The following CACNA1C variants were observed in gnomAD, a reference collection of about 807,000 sequenced individuals.
CACNA1C encodes the protein voltage-dependent L-type calcium channel subunit alpha-1C.
CACNA1C carries 30 observed loss-of-function variants against 229.0 expected under a neutral mutation model. The observed-to-expected ratio is 0.13, with a 90% CI of 0.10 to 0.18. The LOEUF (loss-of-function observed/expected upper bound fraction) is 0.18, where lower values mean the gene tolerates loss of function less well. Among genes scored for constraint, CACNA1C ranks in the 10% least tolerant of loss-of-function variants. The pLI is 1.00. For missense variants in CACNA1C, 1,658 were observed against 2,845.0 expected (o/e 0.58, Z 9.49); for synonymous variants, 1,114 against 1,132.5 (o/e 0.98, Z 0.33).
intron 34 of CACNA1C, chr12:2,660,947 GCT>G (rs1221329750): frequency 6.6e-6 from 1 of 152,008 alleles, no homozygotes; most frequent in Non-Finnish European, 1.5e-5. Flanking sequence ...CTCACTGAGA[GCT>G]TCTGAGTCTA....
intron 11 of CACNA1C, among the ~76,000 whole-genome samples, chr12:2,557,976 A>C (rs2045385986): frequency 1.3e-5 from 2 of 152,236 alleles, no homozygotes. Flanking sequence ...GTATGTGCCA[A>C]AAAATATTGG....
rs1313817957 is a variant in CACNA1C at position 2,632,174 on chromosome 12, CT to C, written c.3829-2121del. ...AATGTGGCCAGCCCTGTCTTGTCCC[CT>C]TCGCAGACCATTTCTAAACTAAAGG... is the stretch of plus-strand genomic sequence containing the variant. On this transcript the variant is annotated intron_variant, in intron 29 of 46. Coordinates refer to ENST00000399655, the MANE Select transcript of CACNA1C (RefSeq NM_000719.7). This position sits in a 1 kb window ranked among gnomAD's most constrained non-coding sequence, Gnocchi z 4.1. 1.3e-5 allele frequency among the ~76,000 whole-genome samples: 2 copies of C among 152,120 alleles called. No homozygotes were observed. Among genetic ancestry groups the C allele is most frequent in the African/African-American group, 4.8e-5 (2 of 41,408 alleles).
intron 3 of CACNA1C, among the ~76,000 whole-genome samples, chr12:2,290,318 G>T (rs765095094): frequency 1.6e-4 from 25 of 152,194 alleles, no homozygotes; most frequent in Non-Finnish European, 3.1e-4. Context: ...CAGTGCTGGG[G>T]CACTGTCCTC....
intron 3 of CACNA1C, among the ~76,000 whole-genome samples, chr12:2,446,919 A>G (rs1392930288): frequency 6.6e-6 from 1 of 152,142 alleles, no homozygotes; most frequent in Non-Finnish European, 1.5e-5. Context: ...TGTGAAAGCA[A>G]CTAGCACATA....
chr12:2,481,456 G>A (rs1567942296), intron 5 of CACNA1C, among the ~76,000 whole-genome samples: 1 of 152,188 alleles, frequency 6.6e-6, no homozygotes, highest in African/African-American at 2.4e-5. Context: ...GAGGGAATGC[G>A]GGCAGCACTG....
At chr12:2,565,259 G>T (rs1377065714) in intron 11 of CACNA1C, among the ~76,000 whole-genome samples, 1 of 151,696 alleles carries the variant, frequency 6.6e-6, no homozygotes, top group Non-Finnish European at 1.5e-5. Flanking sequence ...ATGAGGTCAG[G>T]AGATCGAGAC....
At chr12:2,453,352 C>T (rs2099395926) in intron 4 of CACNA1C, among the ~76,000 whole-genome samples, 1 of 152,126 alleles carries the variant, frequency 6.6e-6, no homozygotes, top group Admixed American at 6.5e-5. Flanking sequence ...GAGCTCAAGC[C>T]TATTGCTCCT....
rs551453263 is a variant in CACNA1C at position 2,098,111 on chromosome 12, C to T, written c.50-17113C>T. Among the ~76,000 whole-genome samples the T allele has an allele frequency of 3.3e-5, 5 of 152,320 alleles. No individual in the cohort carries two copies. The South Asian group carries it at 8.3e-4, about 25-fold the overall frequency. On this transcript the variant is annotated intron_variant, in intron 1 of 46. Transcript: ENST00000399655. Reference sequence around the variant, plus strand: ...GGCTGGAATTCAGATTTACTGACTTCTGGCCTAGTTCTTTTCCCACCGAAC... The same window carrying T: ...GGCTGGAATTCAGATTTACTGACTTTTGGCCTAGTTCTTTTCCCACCGAAC...
chr12:2,399,533 T>C (rs1030637300), intron 3 of CACNA1C, among the ~76,000 whole-genome samples: 3 of 152,224 alleles, frequency 2.0e-5, no homozygotes, highest in African/African-American at 4.8e-5. Context: ...CATCCCCGGC[T>C]GAACTCCTCT....
intron 3 of CACNA1C, among the ~76,000 whole-genome samples, chr12:2,377,010 C>T (rs56174868): frequency 0.016 from 2,387 of 152,234 alleles, 65 homozygotes; most frequent in African/African-American, 0.053. Flanking sequence ...TGTGCTCTGC[C>T]GCCATCCTCT....
intron 1 of CACNA1C, chr12:1,992,846 T>C: frequency 2.6e-6 from 1 of 390,334 alleles, no homozygotes; most frequent in Non-Finnish European, 4.6e-6. Context: ...TCAAACACTT[T>C]GTCAGCTCAC....
At chr12:2,104,383 G>A (rs2077448845) in intron 1 of CACNA1C, among the ~76,000 whole-genome samples, 1 of 152,182 alleles carries the variant, frequency 6.6e-6, no homozygotes, top group Non-Finnish European at 1.5e-5. Context: ...TCCGTTATTG[G>A]TGTATAGGAA....
intron 3 of CACNA1C, among the ~76,000 whole-genome samples, chr12:2,350,134 T>C (rs1283733443): frequency 2.6e-5 from 4 of 152,184 alleles, no homozygotes; most frequent in Admixed American, 2.0e-4. Context: ...CTATAAGGAA[T>C]TCCTTCTTGC....
At chr12:2,198,803 G>A (rs1466200270) in intron 3 of CACNA1C, among the ~76,000 whole-genome samples, 1 of 152,076 alleles carries the variant, frequency 6.6e-6, no homozygotes, top group Non-Finnish European at 1.5e-5. Context: ...CACCACATCA[G>A]AGAGAGGCAT....
chr12:2,675,117 A>C (rs929814600), intron 39 of CACNA1C, among the ~76,000 whole-genome samples: 2 of 152,116 alleles, frequency 1.3e-5, no homozygotes, highest in Non-Finnish European at 2.9e-5. Context: ...CAAGCCTCAA[A>C]TCCCTTTTTA....
chr12:2,616,740 T>G (rs1166499878), intron 29 of CACNA1C, among the ~76,000 whole-genome samples: 1 of 152,234 alleles, frequency 6.6e-6, no homozygotes, highest in Non-Finnish European at 1.5e-5. Context: ...CCCTCTGGGT[T>G]CTTAGCTGAC....
chr12:2,162,626 C>T (rs962067010), intron 3 of CACNA1C, among the ~76,000 whole-genome samples: 4 of 151,932 alleles, frequency 2.6e-5, no homozygotes, highest in East Asian at 1.9e-4. Flanking sequence ...GAGGAAAGGA[C>T]GTGCCCCCGT....
intron 3 of CACNA1C, among the ~76,000 whole-genome samples, chr12:2,240,751 C>T (rs775336136): frequency 2.0e-5 from 3 of 152,130 alleles, no homozygotes; most frequent in South Asian, 2.1e-4. Flanking sequence ...TAGGTGGGCA[C>T]GCGTGGCCTC....
At chr12:2,177,613 C>A (rs2096701040) in intron 3 of CACNA1C, among the ~76,000 whole-genome samples, 1 of 109,236 alleles carries the variant, frequency 9.2e-6, no homozygotes, top group African/African-American at 3.6e-5. Context: ...TCCTTCCTTC[C>A]TTCCTTCCTT....
Sources: allele counts gnomAD v4.1 joint callset (sites outside exome capture counted in the v4.1 genomes callset), GRCh38; gene constraint gnomAD v4.1.1; non-coding constraint Gnocchi (gnomAD v3.1); transcripts MANE v1.5; gene names NCBI Gene and HGNC (gene_info 2026-07-23, HGNC 2026-07-21).